MRPL13: variants seen among roughly 807,000 people sequenced by gnomAD.
MRPL13 encodes the protein large ribosomal subunit protein uL13m.
MRPL13 carries 33 observed loss-of-function variants against 29.0 expected under a neutral mutation model. The observed-to-expected ratio is 1.14, with a 90% CI of 0.86 to 1.52. MRPL13 has a LOEUF of 1.52. Ranked by LOEUF, MRPL13 falls within the 40% of genes most tolerant of loss-of-function variation. The pLI, the probability that MRPL13 is intolerant of heterozygous loss-of-function variation, is 0.00. For synonymous variants in MRPL13, 77 were observed against 68.4 expected (o/e 1.13, Z -0.62); for missense variants, 227 against 216.7 (o/e 1.05, Z -0.30).
At chr8:120,417,668 G>T (rs373598745) in intron 5 of MRPL13, among the ~76,000 whole-genome samples, 1 of 152,036 alleles carries the variant, frequency 6.6e-6, no homozygotes. Flanking sequence ...CCTAAAGCTG[G>T]CTCCATGTTC....
At chr8:120,415,674 A>G (rs1255047907) in intron 5 of MRPL13, 1 of 152,146 alleles carries the variant, frequency 6.6e-6, no homozygotes, top group East Asian at 1.9e-4. Flanking sequence ...TCTTCACTGA[A>G]AAGCATTTAA....
chr8:120,429,614 C>T (rs1285876943), intron 3 of MRPL13, among the ~76,000 whole-genome samples: 3 of 151,950 alleles, frequency 2.0e-5, no homozygotes, highest in Admixed American at 2.0e-4. Context: ...ATTTTGTGCA[C>T]TACTACTTAG....
At chr8:120,439,050 T>C (rs978033693) in intron 2 of MRPL13, among the ~76,000 whole-genome samples, 2 of 152,232 alleles carry the variant, frequency 1.3e-5, no homozygotes, top group African/African-American at 4.8e-5. Flanking sequence ...CTTGTTAAAA[T>C]TTATTTGTTA....
intron 6 of MRPL13, among the ~76,000 whole-genome samples, chr8:120,405,200 G>A (rs2130453501): frequency 6.6e-6 from 1 of 152,286 alleles, no homozygotes; most frequent in South Asian, 2.1e-4. Flanking sequence ...GTTCCCCTGT[G>A]GGGAAAAGAG....
At chr8:120,396,886 G>GA (rs1206261913) in intron 6 of MRPL13, among the ~76,000 whole-genome samples, 1 of 152,228 alleles carries the variant, frequency 6.6e-6, no homozygotes, top group African/African-American at 2.4e-5. Context: ...TGACTGATTA[G>GA]AAGCAGCTGT....
chr8:120,396,016 G>T lies in MRPL13; in HGVS notation c.*88C>A. ...ATAAAACAGGTGCTGAACTGTAGCA[G>T]TTGTTTTACTCCATCCTGTAGGTTA... On this transcript the variant is annotated 3_prime_UTR_variant, in exon 7 of 7. Coordinates refer to ENST00000306185, the MANE Select transcript of MRPL13 (RefSeq NM_014078.6). The T allele has an allele frequency of 8.8e-7, 1 of 1,141,396 alleles. No homozygotes were observed. Among genetic ancestry groups the T allele is most frequent in the East Asian group, 2.6e-5 (1 of 39,072 alleles). The allele number at this position is 1,141,396 out of a possible 1,614,324, so 70.7% of individuals were successfully genotyped here.
At chr8:120,414,446 T>G (rs111593639) in intron 5 of MRPL13, 69 of 154,916 alleles carry the variant, frequency 4.5e-4, no homozygotes, top group African/African-American at 1.6e-3. Flanking sequence ...TGCCACTACC[T>G]TTCAATCAGT....
intron 2 of MRPL13, among the ~76,000 whole-genome samples, chr8:120,441,561 A>G (rs1475719672): frequency 6.6e-6 from 1 of 152,214 alleles, no homozygotes; most frequent in East Asian, 1.9e-4. Context: ...GATGAAAATT[A>G]GCCTGGACTC....
In MRPL13 at chr8:120,395,679, A is replaced by AT. The variant is rs999588940; in HGVS notation, c.*424dup. 3 of 155,876 alleles carry AT rather than the reference A, an allele frequency of 1.9e-5. No individual in the cohort carries two copies. The highest frequency in any genetic ancestry group is 7.2e-5 in the African/African-American group (3 of 41,552). The allele number at this position is 155,876 out of a possible 1,614,324, so 9.7% of individuals were successfully genotyped here. On this transcript the variant is annotated 3_prime_UTR_variant, in exon 7 of 7. Transcript: ENST00000306185. ...TGAATTTAGATGGATGACAAGTTAG[A>AT]TAAAAAAAGCCACTGAAATGAAAAG...
At chr8:120,415,436 T>TTCTTAAGACATGTTG (rs370589027) in intron 5 of MRPL13, 16 of 152,304 alleles carry the variant, frequency 1.1e-4, no homozygotes, top group African/African-American at 1.7e-4. Flanking sequence ...CTTTGATCAA[T>TTCTTAAGACATGTTG]TCTTAAGACA....
chr8:120,432,887 TAC>T (rs1485825740), intron 2 of MRPL13, among the ~76,000 whole-genome samples: 5 of 152,008 alleles, frequency 3.3e-5, no homozygotes, highest in African/African-American at 1.2e-4. Flanking sequence ...ATTTATAAAA[TAC>T]CTATTTTACT....
At chr8:120,403,500 G>C (rs532589404) in intron 6 of MRPL13, among the ~76,000 whole-genome samples, 6 of 152,166 alleles carry the variant, frequency 3.9e-5, no homozygotes, top group African/African-American at 7.2e-5. Flanking sequence ...GGAGGGGTTG[G>C]GGGAGGGAGA....
At chr8:120,442,055 T>C (rs1455274087) in intron 2 of MRPL13, among the ~76,000 whole-genome samples, 1 of 152,132 alleles carries the variant, frequency 6.6e-6, no homozygotes, top group Non-Finnish European at 1.5e-5. Flanking sequence ...ACAAAAGACA[T>C]GCACAGACAT....
At chr8:120,405,905 C>T (rs1036823360) in intron 6 of MRPL13, among the ~76,000 whole-genome samples, 3 of 152,084 alleles carry the variant, frequency 2.0e-5, no homozygotes, top group African/African-American at 7.2e-5. Flanking sequence ...ACTATGAATG[C>T]TTAAATATTT....
intron 6 of MRPL13, among the ~76,000 whole-genome samples, chr8:120,398,240 G>C (rs760797641): frequency 6.6e-6 from 1 of 152,164 alleles, no homozygotes; most frequent in Non-Finnish European, 1.5e-5. Flanking sequence ...GAGTGTCTGG[G>C]CTGGCAACAG....
At chr8:120,408,053 A>G (rs377608896) in intron 6 of MRPL13, among the ~76,000 whole-genome samples, 12 of 152,256 alleles carry the variant, frequency 7.9e-5, no homozygotes, top group African/African-American at 2.4e-4. Flanking sequence ...AGCTATACTG[A>G]GAGGTAAAGT....
intron 6 of MRPL13, among the ~76,000 whole-genome samples, chr8:120,407,367 T>C (rs1586918696): frequency 6.6e-6 from 1 of 152,080 alleles, no homozygotes; most frequent in East Asian, 1.9e-4. Context: ...TTAAGATAAG[T>C]GACACTTAAC....
chr8:120,432,044 G>T lies in MRPL13; in HGVS notation c.231C>A (p.Tyr77Ter), dbSNP rs368775668. 1.9e-6 allele frequency: 3 copies of T among 1,604,826 alleles called. No individual in the cohort carries two copies. Among genetic ancestry groups the T allele is most frequent in the African/African-American group, 2.7e-5 (2 of 74,406 alleles). ...CATTATCTTACCCAGTATGCGAAGA[G>T]TATACTTTTTGTTCCCATTTGTTTC... ...FSGNKWEQKV[Y>*]SSHTGYPGGF... The change falls in exon 3 of 7, where the codon TAC (tyrosine) becomes TAA (stop). Residue 77 changes from tyrosine to a stop codon, truncating the protein, a stop_gained. Transcript: ENST00000306185. LOFTEE classifies it high-confidence loss of function.
intron 6 of MRPL13, among the ~76,000 whole-genome samples, chr8:120,396,507 T>C (rs1812526236): frequency 6.6e-6 from 1 of 152,144 alleles, no homozygotes; most frequent in Non-Finnish European, 1.5e-5. Context: ...ATAGTACAAA[T>C]GCAAATTTTG....
Sources: gnomAD v4.1 joint callset for allele counts (sites outside exome capture counted in the v4.1 genomes callset) on GRCh38, gnomAD v4.1.1 for gene constraint, MANE v1.5 for transcripts, NCBI Gene and HGNC (gene_info 2026-07-23, HGNC 2026-07-21) for gene names.